The following ALPI variants were observed in gnomAD, a reference collection of about 807,000 sequenced individuals.
ALPI encodes the protein alkaline phosphatase, intestinal, also known as intestinal-type alkaline phosphatase.
In ALPI, 50 loss-of-function variants were observed where a neutral mutation model predicts 51.5. That is an observed-to-expected ratio of 0.97 (90% CI 0.77 to 1.23). The LOEUF is 1.23. Ranked by LOEUF, ALPI falls within the 50% of genes most tolerant of loss-of-function variation. The pLI is 0.00. For synonymous variants in ALPI, 322 were observed against 308.2 expected, an observed-to-expected ratio of 1.04 and a Z score of -0.47; for missense variants, 692 against 722.4, an observed-to-expected ratio of 0.96 and a Z score of 0.48.
In ALPI at chr2:232,456,394, C is replaced by T. The variant is rs779742623; in HGVS notation, c.113C>T (p.Ala38Val). Reference sequence around the variant, plus strand: ...TTCTGGAACCGCCAGGCAGCTGAGGCCCTGGATGCTGCCAAGAAGCTGCAG... The same window carrying T: ...TTCTGGAACCGCCAGGCAGCTGAGGTCCTGGATGCTGCCAAGAAGCTGCAG... ...PAFWNRQAAEALDAAKKLQPI... is the reference protein window; with the variant it reads ...PAFWNRQAAEVLDAAKKLQPI... The change falls in exon 2 of 11, where the codon GCC becomes GTC. Residue 38 changes from alanine to valine, a missense_variant. Physicochemically the swap from Ala to Val is moderately conservative, Grantham distance 64. Coordinates refer to ENST00000295463, the MANE Select transcript of ALPI (RefSeq NM_001631.5). The surrounding 1 kb of genome is among the most constrained non-coding windows in gnomAD (Gnocchi z 4.2). 2.7e-5 allele frequency: 43 copies of T among 1,613,960 alleles called. No homozygotes were observed. The highest frequency in any genetic ancestry group is 3.2e-5 in the Non-Finnish European group (38 of 1,180,020).
At position 232,457,995 on chromosome 2, in the gene ALPI, C is replaced by A. The variant is rs1559264459; in HGVS notation, c.857-3C>A. 2 of 1,613,656 alleles carry A rather than the reference C, an allele frequency of 1.2e-6. No individual in the cohort carries two copies. Among genetic ancestry groups the A allele is most frequent in the Non-Finnish European group, 1.7e-6 (2 of 1,179,706 alleles). On this transcript the variant is annotated splice_region_variant and splice_polypyrimidine_tract_variant and intron_variant, in intron 7 of 10. Coordinates refer to ENST00000295463, the MANE Select transcript of ALPI (RefSeq NM_001631.5). The surrounding 1 kb of genome is among the most constrained non-coding windows in gnomAD (Gnocchi z 4.7). ...AATCACCACCAAGCTCCTTGTCCCACAGGCCTCTTTGAGCCCGGAGACACG... is the reference window on the plus strand; with the variant it reads ...AATCACCACCAAGCTCCTTGTCCCAAAGGCCTCTTTGAGCCCGGAGACACG...
At position 232,460,294 on chromosome 2, in the gene ALPI, T is replaced by C. The variant is rs2573214; in HGVS notation, c.*1148T>C. ...GGGAAAGCCTGAGGGGTCAGGAGAG[T>C]GGGGTGTGCATGGGGGACTGTGAAG... On this transcript the variant is annotated 3_prime_UTR_variant, in exon 11 of 11. Transcript: ENST00000295463. 0.15 allele frequency among the ~76,000 whole-genome samples: 20,227 copies of C among 138,726 alleles called. 1,461 individuals are homozygous for C. Among genetic ancestry groups the C allele is most frequent in the East Asian group, 0.26 (1,263 of 4,774 alleles). 91.0% of individuals were successfully genotyped at this position (138,726 alleles called of 152,430 possible). A position where few individuals can be genotyped will look rare whatever the true frequency, so the allele number is the denominator to read the frequency against.
rs777661656 is a variant in ALPI, at chr2:232,457,517, C to T, written c.649-48C>T. On this transcript the variant is annotated intron_variant, in intron 5 of 10. Coordinates refer to ENST00000295463, the MANE Select transcript of ALPI (RefSeq NM_001631.5). This position sits in a 1 kb window ranked among gnomAD's most constrained non-coding sequence, Gnocchi z 4.7. ...AGGGGCTATGCATGAGGAGGGGGCA[C>T]GGGGCCAGCCAGGCCCCCAAACCAC... 117 of 1,565,642 alleles carry T rather than the reference C, an allele frequency of 7.5e-5. No homozygotes were observed. Among genetic ancestry groups the T allele is most frequent in the East Asian group, 4.5e-4 (20 of 44,522 alleles).
chr2:232,457,507 G>C lies in ALPI; in HGVS notation c.649-58G>C. ...GAGGGGAGCCAGGGGCTATGCATGA[G>C]GAGGGGGCACGGGGCCAGCCAGGCC... On this transcript the variant is annotated intron_variant, in intron 5 of 10. Transcript: ENST00000295463. The surrounding 1 kb of genome is among the most constrained non-coding windows in gnomAD (Gnocchi z 4.7). 1 of 1,560,724 alleles carries C rather than the reference G, an allele frequency of 6.4e-7. No homozygotes were observed. The highest frequency in any genetic ancestry group is 8.7e-7 in the Non-Finnish European group (1 of 1,154,210).
rs1690266142 is a variant in ALPI at position 232,459,166 on chromosome 2, T to C, written c.*20T>C. On this transcript the variant is annotated 3_prime_UTR_variant, in exon 11 of 11. Transcript: ENST00000295463. Reference sequence around the variant, plus strand: ...CCCTGAGTGCCCCACTCCGGAGTTATCCTGCTCCCCACCTCCGGGCGTCCT... The same window carrying C: ...CCCTGAGTGCCCCACTCCGGAGTTACCCTGCTCCCCACCTCCGGGCGTCCT... 1 of 1,523,146 alleles carries C rather than the reference T, an allele frequency of 6.6e-7. No homozygotes were observed. Among genetic ancestry groups the C allele is most frequent in the Admixed American group, 2.0e-5 (1 of 50,208 alleles). 94.4% of individuals were successfully genotyped at this position (1,523,146 alleles called of 1,614,324 possible).
At position 232,459,058 on chromosome 2, in the gene ALPI, G is replaced by A. The variant is rs1690262228; in HGVS notation, c.1499G>A (p.Cys500Tyr). ...GCCTGCGACCTGGCGCCTCCCGCCT[G>A]CACCACCGACGCCGCGCACCCAGTT... Reference protein sequence around the residue: ...YTACDLAPPACTTDAAHPVAA... With the variant: ...YTACDLAPPAYTTDAAHPVAA... The change falls in exon 11 of 11, where the codon TGC becomes TAC. Residue 500 changes from cysteine to tyrosine, a missense_variant. Physicochemically the swap from Cys to Tyr is radical, Grantham distance 194. Coordinates refer to ENST00000295463, the MANE Select transcript of ALPI (RefSeq NM_001631.5). The A allele has an allele frequency of 1.3e-6, 2 of 1,549,022 alleles. No individual in the cohort carries two copies. The highest frequency in any genetic ancestry group is 8.7e-7 in the Non-Finnish European group (1 of 1,147,992).
Position 232,459,131 on chromosome 2 carries a change from G to T in ALPI, c.1572G>T (p.Ala524=). Residue 524 remains alanine, a synonymous_variant, in exon 11 of 11, where the codon GCG becomes GCT. Transcript: ENST00000295463. The part of the protein sequence containing the change: ...LLAGTLLLLG[A]SAAP ...CCGGGACCCTGCTGCTGCTGGGGGC[G>T]TCCGCTGCTCCCTGAGTGCCCCACT... 6.5e-7 allele frequency: 1 copy of T among 1,532,894 alleles called. No homozygotes were observed. The allele number at this position is 1,532,894 out of a possible 1,614,324, so 95.0% of individuals were successfully genotyped here. A position where few individuals can be genotyped will look rare whatever the true frequency, so the allele number is the denominator to read the frequency against.
In ALPI at chr2:232,457,781, C is replaced by T. The variant is rs762653548; in HGVS notation, c.784-14C>T. The T allele has an allele frequency of 6.2e-7, 1 of 1,613,692 alleles. No individual in the cohort carries two copies. The highest frequency in any genetic ancestry group is 8.5e-7 in the Non-Finnish European group (1 of 1,179,784). On this transcript the variant is annotated splice_polypyrimidine_tract_variant and intron_variant, in intron 6 of 10. Coordinates refer to ENST00000295463, the MANE Select transcript of ALPI (RefSeq NM_001631.5). The surrounding 1 kb of genome is among the most constrained non-coding windows in gnomAD (Gnocchi z 4.7). ...CTCAGGGCTGTGGGCTGAAGCCTGGCTCTGTCCCTGCAGGGTGCCTGGTAT... is the reference window on the plus strand; with the variant it reads ...CTCAGGGCTGTGGGCTGAAGCCTGGTTCTGTCCCTGCAGGGTGCCTGGTAT...
Position 232,460,125 on chromosome 2 carries a change from G to A in ALPI, c.*979G>A, listed in dbSNP as rs1690284785. 6.6e-6 allele frequency: 1 copy of A among 152,418 alleles called. No individual in the cohort carries two copies. 9.4% of individuals were successfully genotyped at this position (152,418 alleles called of 1,614,324 possible). On this transcript the variant is annotated 3_prime_UTR_variant, in exon 11 of 11. Transcript: ENST00000295463. ...ACGCAGGCCAGGAGGTACTGCTGAGGGGCAGATGATTGAGCAAGAGACTTG... is the reference window on the plus strand; with the variant it reads ...ACGCAGGCCAGGAGGTACTGCTGAGAGGCAGATGATTGAGCAAGAGACTTG...
rs1383119268 is a variant in ALPI, at chr2:232,458,896, T to C, written c.1337T>C (p.Leu446Pro). The change falls in exon 11 of 11, where the codon CTG (leucine) becomes CCG (proline). Residue 446 changes from leucine (L) to proline (P), a missense_variant. Coordinates refer to ENST00000295463, the MANE Select transcript of ALPI (RefSeq NM_001631.5). ...TACCAGCAGCAGGCGGCGGTGCCCC[T>C]GTCGTCCGAGACCCACGGAGGCGAA... ...PDYQQQAAVP[L>P]SSETHGGEDV... 1 of 1,610,688 alleles carries C rather than the reference T, an allele frequency of 6.2e-7. No individual in the cohort carries two copies. The highest frequency in any genetic ancestry group is 8.5e-7 in the Non-Finnish European group (1 of 1,179,212).
chr2:232,458,588 C>T (rs775176508), intron 9 of ALPI, 44 bp from the exon 10 acceptor site: 8 of 1,590,418 alleles, frequency 5.0e-6, no homozygotes, highest in Non-Finnish European at 8.6e-7. Context: ...GGCACTCCCA[C>T]AGCTGTGGTC....
In ALPI at chr2:232,457,695, A is replaced by C; in HGVS notation, c.779A>C (p.His260Pro). The change falls in exon 6 of 11, where the codon CAC becomes CCC. Residue 260 changes from histidine (H) to proline (P), a missense_variant. Transcript: ENST00000295463. This position sits in a 1 kb window ranked among gnomAD's most constrained non-coding sequence, Gnocchi z 4.7. ...CTGGTGCAGGAATGGCTGGCAAAGCACCAGGTGATGGGGGCTGGTGGGTGT... is the reference window on the plus strand; with the variant it reads ...CTGGTGCAGGAATGGCTGGCAAAGCCCCAGGTGATGGGGGCTGGTGGGTGT... ...KNLVQEWLAK[H>P]QGAWYVWNRT... is the part of the protein sequence containing the mutation. 1 of 1,612,478 alleles carries C rather than the reference A, an allele frequency of 6.2e-7. No individual in the cohort carries two copies. The highest frequency in any genetic ancestry group is 1.1e-5 in the South Asian group (1 of 90,892).
chr2:232,458,632 G>T lies in ALPI; in HGVS notation c.1184G>T (p.Gly395Val). 2 of 1,613,688 alleles carry T rather than the reference G, an allele frequency of 1.2e-6. No homozygotes were observed. The highest frequency in any genetic ancestry group is 1.7e-6 in the Non-Finnish European group (2 of 1,179,850). ...GYTLRGSSIFGLAPSKAQDSK... is the reference protein window; with the variant it reads ...GYTLRGSSIFVLAPSKAQDSK... ...TACAGGGACCCGCATCTCCCTACAG[G>T]GTTGGCCCCCAGCAAGGCTCAGGAC... is the stretch of plus-strand genomic sequence containing the variant. Residue 395 changes from glycine to valine, a missense_variant and splice_region_variant, in exon 10 of 11, where the codon GGG becomes GTG. Physicochemically the swap from Gly to Val is moderately radical, Grantham distance 109 (BLOSUM62 -3). Coordinates refer to ENST00000295463, the MANE Select transcript of ALPI (RefSeq NM_001631.5).
In ALPI at chr2:232,458,320, C is replaced by T. The variant is rs142420344; in HGVS notation, c.1095C>T (p.Ser365=). The T allele has an allele frequency of 5.9e-4, 951 of 1,614,162 alleles. 3 individuals carry two copies. The highest frequency in any genetic ancestry group is 8.2e-4 in the Middle Eastern group (5 of 6,062). Residue 365 remains serine (S), a synonymous_variant, in exon 9 of 11, where the codon AGC becomes AGT. Coordinates refer to ENST00000295463, the MANE Select transcript of ALPI (RefSeq NM_001631.5). ...TTGAGAGGGCGGGCCAGCTCACCAG[C>T]GAGGAGGACACGCTGACCCTCGTCA... The part of the protein sequence containing the change: ...DAIERAGQLT[S]EEDTLTLVTA...
In ALPI at chr2:232,458,107, C is replaced by G. The variant is rs1269027614; in HGVS notation, c.966C>G (p.Pro322=). The G allele has an allele frequency of 6.2e-7, 1 of 1,614,056 alleles. No individual in the cohort carries two copies. The highest frequency in any genetic ancestry group is 1.1e-5 in the South Asian group (1 of 91,072). The part of the protein sequence containing the change: ...EAALRLLSRN[P]RGFYLFVEGG... ...CCCTGCGCCTGCTGAGCAGGAACCC[C>G]CGCGGCTTCTACCTCTTTGTGGAGG... The change falls in exon 8 of 11, where the codon CCC becomes CCG. Residue 322 remains proline, a synonymous_variant. Transcript: ENST00000295463.
rs773099520 is a variant in ALPI, at chr2:232,458,936, T to TGC, written c.1383_1384dup (p.Gly462AlafsTer17). ...ACGGAGGCGAAGACGTGGCGGTGTTTGCGCGCGGCCCGCAGGCGCACCTGG... is the reference window on the plus strand; with the variant it reads ...ACGGAGGCGAAGACGTGGCGGTGTTTGCGCGCGCGGCCCGCAGGCGCACCTGG... On this transcript the variant is annotated frameshift_variant, in exon 11 of 11. Transcript: ENST00000295463. LOFTEE classifies it low-confidence loss of function (END_TRUNC). 3.7e-6 allele frequency: 6 copies of TGC among 1,606,914 alleles called. No individual in the cohort carries two copies. In the African/African-American group the frequency reaches 8.0e-5, roughly 22 times the overall value.
At position 232,458,655 on chromosome 2, in the gene ALPI, G is replaced by T. The variant is rs1033507250; in HGVS notation, c.1207G>T (p.Asp403Tyr). The change falls in exon 10 of 11, where the codon GAC (aspartate) becomes TAC (tyrosine). Residue 403 changes from aspartate (D) to tyrosine (Y), a missense_variant. Physicochemically the swap from Asp to Tyr is radical, Grantham distance 160 (BLOSUM62 -3). Transcript: ENST00000295463. ...AGGGTTGGCCCCCAGCAAGGCTCAG[G>T]ACAGCAAAGCCTACACGTCCATCCT... ...IFGLAPSKAQ[D>Y]SKAYTSILYG... 2 of 1,613,856 alleles carry T rather than the reference G, an allele frequency of 1.2e-6. No individual in the cohort carries two copies. Among genetic ancestry groups the T allele is most frequent in the Admixed American group, 1.7e-5 (1 of 59,996 alleles).
rs1042133409 is a variant in ALPI, at chr2:232,459,343, C to A, written c.*197C>A. The A allele has an allele frequency of 4.3e-6, 3 of 702,480 alleles. No homozygotes were observed. The highest frequency in any genetic ancestry group is 2.0e-5 in the South Asian group (1 of 50,034). The allele number at this position is 702,480 out of a possible 1,614,324, so 43.5% of individuals were successfully genotyped here. ...CCCTTCAGGGAGCAGGAGCCCAGGG[C>A]GCCCTGGGAGCTGAGCCTGGGACTT... On this transcript the variant is annotated 3_prime_UTR_variant, in exon 11 of 11. Transcript: ENST00000295463.
At position 232,457,267 on chromosome 2, in the gene ALPI, G is replaced by A. The variant is rs150355736; in HGVS notation, c.593G>A (p.Arg198His). 33 of 1,613,306 alleles carry A rather than the reference G, an allele frequency of 2.0e-5. No homozygotes were observed. Among genetic ancestry groups the A allele is most frequent in the Middle Eastern group, 3.4e-4 (2 of 5,964 alleles). ...GATGCTGACATGCCTGCCTCAGCCCGCCAGGAGGGGTGCCAGGACATCGCC... is the reference window on the plus strand; with the variant it reads ...GATGCTGACATGCCTGCCTCAGCCCACCAGGAGGGGTGCCAGGACATCGCC... ...YSDADMPASA[R>H]QEGCQDIATQ... Residue 198 changes from arginine (R) to histidine (H), a missense_variant, in exon 5 of 11, where the codon CGC becomes CAC. By Grantham distance (29) the Arg-to-His change is conservative (BLOSUM62 0). Transcript: ENST00000295463. The surrounding 1 kb of genome is among the most constrained non-coding windows in gnomAD (Gnocchi z 4.7).
Sources: allele counts gnomAD v4.1 joint callset (sites outside exome capture counted in the v4.1 genomes callset), GRCh38; gene constraint gnomAD v4.1.1; non-coding constraint Gnocchi (gnomAD v3.1); transcripts MANE v1.5; gene names NCBI Gene and HGNC (gene_info 2026-07-23, HGNC 2026-07-21).